Variants in SOS1 observed in about 807,000 individuals in gnomAD.
The protein encoded by SOS1 is son of sevenless homolog 1.
A neutral mutation model predicts 157.6 loss-of-function variants in SOS1; 25 were observed. The ratio of observed to expected loss-of-function variants is 0.16; its 90% confidence interval spans 0.12 to 0.22. The LOEUF (loss-of-function observed/expected upper bound fraction) is 0.22, where lower values mean the gene tolerates loss of function less well. SOS1 is among the 10% of genes least tolerant of loss of function. SOS1 has a pLI of 1.00. For missense variants in SOS1, 1,237 were observed against 1,599.1 expected, an observed-to-expected ratio of 0.77 and a Z score of 3.86; for synonymous variants, 528 against 534.0, an observed-to-expected ratio of 0.99 and a Z score of 0.16.
intron 6 of SOS1, among the ~76,000 whole-genome samples, chr2:39,049,711 G>C (rs1670928946): frequency 6.6e-6 from 1 of 152,106 alleles, no homozygotes; most frequent in African/African-American, 2.4e-5. Flanking sequence ...TTCCAAACCA[G>C]AACCTGCTCT....
chr2:39,007,000 G>A (rs1558466031), intron 16 of SOS1, 31 bp downstream of exon 16: 1 of 1,485,988 alleles, frequency 6.7e-7, no homozygotes, highest in Non-Finnish European at 9.4e-7. Context: ...GGGAATGAAA[G>A]TTCATTTTAA....
At chr2:39,112,293 G>A (rs1360511927) in intron 1 of SOS1, among the ~76,000 whole-genome samples, 1 of 152,128 alleles carries the variant, frequency 6.6e-6, no homozygotes, top group South Asian at 2.1e-4. Context: ...CCTACTCTGA[G>A]TTTATGGTCT....
chr2:39,021,200 T>C (rs982251782), intron 10 of SOS1, among the ~76,000 whole-genome samples: 2 of 151,586 alleles, frequency 1.3e-5, no homozygotes, highest in Non-Finnish European at 3.0e-5. Context: ...TACCTAACAT[T>C]GTACACATTA....
rs1669229778 is a variant in SOS1, at chr2:39,004,752, C to A, written c.2791+1660G>T. On this transcript the variant is annotated intron_variant, in intron 17 of 22. Coordinates refer to ENST00000402219, the MANE Select transcript of SOS1 (RefSeq NM_005633.4). ...TGTTTGCAGGAGATACGAAAAATGA[C>A]ATGGACAAGAGGAAATACAAATATT... 2.6e-5 allele frequency among the ~76,000 whole-genome samples: 4 copies of A among 151,060 alleles called. No individual in the cohort carries two copies. The South Asian group carries it at 8.4e-4, about 32-fold the overall frequency.
intron 1 of SOS1, among the ~76,000 whole-genome samples, chr2:39,106,513 C>A (rs1673190880): frequency 6.8e-6 from 1 of 147,566 alleles, no homozygotes; most frequent in African/African-American, 2.6e-5. Context: ...ATGGCGTGAA[C>A]CCGGGAGGCG....
In SOS1 at chr2:39,111,723, C is replaced by CT. The variant is rs577014442; in HGVS notation, c.87+8612dup. ...TCTTACCTGCTTCATCTCTGGAATC[C>CT]TTTTTTTTTTTTTTTCTTTTTTTGA... On this transcript the variant is annotated intron_variant, in intron 1 of 22. Coordinates refer to ENST00000402219, the MANE Select transcript of SOS1 (RefSeq NM_005633.4). Among the ~76,000 whole-genome samples the CT allele has an allele frequency of 5.6e-3, 795 of 141,196 alleles. 9 individuals are homozygous for CT. The highest frequency in any genetic ancestry group is 0.013 in the African/African-American group (492 of 38,492). The allele number at this position is 141,196 out of a possible 152,430, so 92.6% of individuals were successfully genotyped here. A position where few individuals can be genotyped will look rare whatever the true frequency, so the allele number is the denominator to read the frequency against.
At chr2:39,058,945 T>A (rs868500107) in intron 2 of SOS1, 141 bp from the exon 3 acceptor site, 2 of 672,298 alleles carry the variant, frequency 3.0e-6, no homozygotes, top group Non-Finnish European at 5.0e-6. Context: ...CATATGAAGC[T>A]AAGAGAAAAC....
chr2:39,035,798 T>C (rs1670322643), intron 6 of SOS1, among the ~76,000 whole-genome samples: 2 of 152,136 alleles, frequency 1.3e-5, no homozygotes, highest in Non-Finnish European at 1.5e-5. Flanking sequence ...AGACTTTTGG[T>C]TCTAGAAAAC....
chr2:39,009,301 G>A (rs1049554730), intron 15 of SOS1, among the ~76,000 whole-genome samples: 55 of 151,840 alleles, frequency 3.6e-4, no homozygotes, highest in Admixed American at 3.1e-3. Context: ...GTTCAAAAAC[G>A]AAGGTAAAAT....
At chr2:39,080,442 G>T (rs1454542631) in intron 1 of SOS1, among the ~76,000 whole-genome samples, 1 of 152,158 alleles carries the variant, frequency 6.6e-6, no homozygotes, top group African/African-American at 2.4e-5. Flanking sequence ...ACCAGTATCA[G>T]TCTGTAGCCT....
chr2:39,006,279 C>T (rs1669280521), intron 17 of SOS1, 133 bp downstream of exon 17: 2 of 700,710 alleles, frequency 2.9e-6, no homozygotes, highest in African/African-American at 1.8e-5. Context: ...TTCTAAAGGG[C>T]TTCAGGTGCT....
At chr2:39,104,061 C>T (rs1001325275) in intron 1 of SOS1, among the ~76,000 whole-genome samples, 32 of 152,258 alleles carry the variant, frequency 2.1e-4, no homozygotes, top group Middle Eastern at 6.8e-3. Flanking sequence ...GGGGGTGGAT[C>T]ACCTGAGGTC....
chr2:39,123,592 A>T (rs567200015), upstream of SOS1, among the ~76,000 whole-genome samples: 227 of 152,068 alleles, frequency 1.5e-3, 1 homozygote, highest in Non-Finnish European at 2.5e-3. Flanking sequence ...TCCTGACCTC[A>T]AGCAATCCAC....
chr2:39,119,207 T>TA (rs965756408), intron 1 of SOS1, among the ~76,000 whole-genome samples: 19 of 152,224 alleles, frequency 1.2e-4, no homozygotes, highest in Admixed American at 5.9e-4. Context: ...TTCTGTTTTT[T>TA]AAAAAAAATT....
At chr2:39,073,061 C>T (rs1361667461) in intron 1 of SOS1, among the ~76,000 whole-genome samples, 1 of 152,206 alleles carries the variant, frequency 6.6e-6, no homozygotes, top group Non-Finnish European at 1.5e-5. Flanking sequence ...AATAAACACA[C>T]TTCTATTCCA....
intron 1 of SOS1, among the ~76,000 whole-genome samples, chr2:39,103,390 G>A (rs1673046517): frequency 6.6e-6 from 1 of 152,094 alleles, no homozygotes; most frequent in Admixed American, 6.5e-5. Context: ...CACACTTTCT[G>A]ACTTCAGAAC....
intron 1 of SOS1, among the ~76,000 whole-genome samples, chr2:39,090,503 C>T (rs995522723): frequency 6.6e-6 from 1 of 151,984 alleles, no homozygotes; most frequent in Non-Finnish European, 1.5e-5. Context: ...CGAGACTGGC[C>T]TGGCCAACAT....
At chr2:39,095,801 C>T (rs297147) in intron 1 of SOS1, among the ~76,000 whole-genome samples, 122,459 of 152,158 alleles carry the variant, frequency 0.8, 51,243 homozygotes, top group Non-Finnish European at 0.92. Flanking sequence ...ATTATTTTAG[C>T]AACATTACAG....
At chr2:39,017,234 C>G (rs1455548037) in intron 10 of SOS1, among the ~76,000 whole-genome samples, 4 of 151,990 alleles carry the variant, frequency 2.6e-5, no homozygotes, top group Non-Finnish European at 5.9e-5. Context: ...ATCGTATAAC[C>G]TCCCTGGATT....
Sources: allele counts gnomAD v4.1 joint callset (sites outside exome capture counted in the v4.1 genomes callset), GRCh38; gene constraint gnomAD v4.1.1; transcripts MANE v1.5; gene names NCBI Gene and HGNC (gene_info 2026-07-23, HGNC 2026-07-21).